FGB: variants seen among roughly 807,000 people sequenced by gnomAD.
FGB encodes fibrinogen beta chain, also known as beta-fibrinogen.
FGB carries 25 observed loss-of-function variants against 57.9 expected under a neutral mutation model. The observed-to-expected ratio is 0.43, with a 90% confidence interval of 0.31 to 0.60. The LOEUF (loss-of-function observed/expected upper bound fraction) is 0.60. Ranked by LOEUF, FGB falls within the 20% of genes least tolerant of loss-of-function variation. The pLI is 0.08. For missense variants in FGB, 536 were observed against 598.4 expected (o/e 0.90, Z 1.09); for synonymous variants, 203 against 199.2 (o/e 1.02, Z -0.16).
intron 1 of FGB, among the ~76,000 whole-genome samples, chr4:154,564,750 T>C (rs1730084612): frequency 6.8e-6 from 1 of 148,046 alleles, no homozygotes; most frequent in African/African-American, 2.5e-5. Context: ...AAAGGATGTA[T>C]AGCTACTGAC....
chr4:154,570,080 C>A (rs186298036), intron 7 of FGB, among the ~76,000 whole-genome samples: 33 of 152,302 alleles, frequency 2.2e-4, no homozygotes, highest in Admixed American at 5.2e-4. Context: ...GAATAATGAG[C>A]ATTTAGATAA....
intron 1 of FGB, chr4:154,565,137 C>G: frequency 2.2e-6 from 1 of 449,708 alleles, no homozygotes; most frequent in South Asian, 1.7e-5. Flanking sequence ...TTAATCCTTA[C>G]AATAATCTTG....
intron 6 of FGB, 90 bp downstream of exon 6, chr4:154,569,397 G>A: frequency 6.3e-7 from 1 of 1,596,362 alleles, no homozygotes; most frequent in Non-Finnish European, 8.6e-7. Context: ...GCCTGTTTTA[G>A]GCAGTTAAGA....
chr4:154,569,872 T>G (rs1445695817), intron 7 of FGB, 73 bp downstream of exon 7: 2 of 1,548,886 alleles, frequency 1.3e-6, no homozygotes, highest in East Asian at 4.5e-5. Context: ...TAACAATATT[T>G]TTAATAGCTA....
intron 3 of FGB, among the ~76,000 whole-genome samples, chr4:154,567,325 A>C (rs1396920195): frequency 6.6e-6 from 1 of 152,208 alleles, no homozygotes; most frequent in Non-Finnish European, 1.5e-5. Context: ...CCCTCACCAA[A>C]GAAATAAACA....
In FGB at chr4:154,568,448, T is replaced by C. The variant is rs746815835; in HGVS notation, c.786T>C (p.Ser262=). Residue 262 remains serine (S), a synonymous_variant, in exon 5 of 8, where the codon TCT becomes TCC. Transcript: ENST00000302068. ...SEMYLIQPDS[S]VKPYRVYCDM... The stretch of plus-strand genomic sequence containing the variant: ...TGTATCTCATTCAACCTGACAGTTC[T>C]GTCAAACCGTATAGAGTATACTGTG... 3.1e-6 allele frequency: 5 copies of C among 1,607,918 alleles called. No homozygotes were observed. The Admixed American group carries it at 6.7e-5, about 21-fold the overall frequency.
Position 154,570,889 on chromosome 4 carries a change from A to G in FGB, c.*239A>G. ...TATAGTTTTGACAGAGTTGGTGTTC[A>G]TAATTTCAGTTCTAGTTGATTGCGA... On this transcript the variant is annotated 3_prime_UTR_variant, in exon 8 of 8. Coordinates refer to ENST00000302068, the MANE Select transcript of FGB (RefSeq NM_005141.5). The G allele has an allele frequency of 1.9e-6, 1 of 539,412 alleles. No homozygotes were observed. The highest frequency in any genetic ancestry group is 3.3e-6 in the Non-Finnish European group (1 of 299,886). The allele number at this position is 539,412 out of a possible 1,614,324, so 33.4% of individuals were successfully genotyped here. A position where few individuals can be genotyped will look rare whatever the true frequency, so the allele number is the denominator to read the frequency against.
Position 154,572,607 on chromosome 4 carries a change from C to T in FGB, c.*1957C>T, listed in dbSNP as rs1039255655. Among the ~76,000 whole-genome samples the T allele has an allele frequency of 7.2e-5, 11 of 152,172 alleles. No individual in the cohort carries two copies. The highest frequency in any genetic ancestry group is 5.2e-4 in the Admixed American group (8 of 15,268). On this transcript the variant is annotated 3_prime_UTR_variant, in exon 8 of 8. Transcript: ENST00000302068. The stretch of plus-strand genomic sequence containing the variant: ...TGAATCTCTCTGGGTTGGCCATTCC[C>T]GGATTCCTTAGCTTAGACTCTGAAC...
rs779228767 is a variant in FGB at position 154,563,137 on chromosome 4, AT to A, written c.114+11del. 136 of 1,260,146 alleles carry A rather than the reference AT, an allele frequency of 1.1e-4. No individual in the cohort carries two copies. Among genetic ancestry groups the A allele is most frequent in the Middle Eastern group, 4.3e-4 (2 of 4,678 alleles). 78.1% of individuals were successfully genotyped at this position (1,260,146 alleles called of 1,614,324 possible). ...GGTGTCAACGACAATGAGGAGGTGAATTTTTTAAAGCATTATTATATTATTA... is the reference window on the plus strand; with the variant it reads ...GGTGTCAACGACAATGAGGAGGTGAATTTTTAAAGCATTATTATATTATTA... On this transcript the variant is annotated splice_donor_region_variant and intron_variant, in intron 1 of 7. Transcript: ENST00000302068.
Position 154,571,097 on chromosome 4 carries a change from T to G in FGB, c.*447T>G. 1 of 262,356 alleles carries G rather than the reference T, an allele frequency of 3.8e-6. No homozygotes were observed. Among genetic ancestry groups the G allele is most frequent in the Non-Finnish European group, 7.4e-6 (1 of 135,988 alleles). The allele number at this position is 262,356 out of a possible 1,614,324, so 16.3% of individuals were successfully genotyped here. ...ACTCTGTTGCAATAAGTTAATGTTTTCTTGTTTTGTAATCCACACATTCAA... is the reference window on the plus strand; with the variant it reads ...ACTCTGTTGCAATAAGTTAATGTTTGCTTGTTTTGTAATCCACACATTCAA... On this transcript the variant is annotated 3_prime_UTR_variant, in exon 8 of 8. Transcript: ENST00000302068.
intron 1 of FGB, among the ~76,000 whole-genome samples, chr4:154,564,691 T>C (rs566925378): frequency 5.9e-5 from 9 of 152,238 alleles, no homozygotes; most frequent in Middle Eastern, 3.4e-3. Context: ...GCTCAGTTGT[T>C]GCTCAGTTGT....
At chr4:154,569,006 C>T (rs1730296621) in intron 5 of FGB, among the ~76,000 whole-genome samples, 176 bp from the exon 6 acceptor site, 1 of 152,176 alleles carries the variant, frequency 6.6e-6, no homozygotes, top group Non-Finnish European at 1.5e-5. Flanking sequence ...AGATAAAGCA[C>T]TTGCAGTTTC....
rs1047591816 is a variant in FGB at position 154,572,551 on chromosome 4, G to A, written c.*1901G>A. Among the ~76,000 whole-genome samples, 2 of 152,170 alleles carry A rather than the reference G, an allele frequency of 1.3e-5. No individual in the cohort carries two copies. Among genetic ancestry groups the A allele is most frequent in the African/African-American group, 4.8e-5 (2 of 41,434 alleles). ...CATCCTGAGTTCCAACGGACAGGCA[G>A]GGAGTTCAAGTGTCCTTCACAGATA... On this transcript the variant is annotated 3_prime_UTR_variant, in exon 8 of 8. Transcript: ENST00000302068.
rs2227430 is a variant in FGB at position 154,563,479 on chromosome 4, A to G, written c.114+347A>G. The stretch of plus-strand genomic sequence containing the variant: ...AGGACAAGATCTGAAAATCTCACAA[A>G]CTATAAAATAATAAAAGAGCAGAAT... On this transcript the variant is annotated intron_variant, in intron 1 of 7. Transcript: ENST00000302068. Among the ~76,000 whole-genome samples, 561 of 152,014 alleles carry G rather than the reference A, an allele frequency of 3.7e-3. 1 individual carries two copies. The highest frequency in any genetic ancestry group is 6.4e-3 in the African/African-American group (264 of 41,542).
chr4:154,566,937 G>A (rs1160298448), intron 3 of FGB, among the ~76,000 whole-genome samples: 1 of 152,136 alleles, frequency 6.6e-6, no homozygotes, highest in African/African-American at 2.4e-5. Context: ...TGACTCAGAA[G>A]ATAATATTTA....
At chr4:154,566,835 T>C in intron 3 of FGB, 163 bp downstream of exon 3, 1 of 667,026 alleles carries the variant, frequency 1.5e-6, no homozygotes, top group South Asian at 1.7e-5. Context: ...ATAAGCACTA[T>C]TCAGCTCTTA....
In FGB at chr4:154,568,473, G is replaced by T. The variant is rs913936601; in HGVS notation, c.811G>T (p.Asp271Tyr). The T allele has an allele frequency of 6.4e-7, 1 of 1,569,764 alleles. No individual in the cohort carries two copies. Among genetic ancestry groups the T allele is most frequent in the Non-Finnish European group, 8.8e-7 (1 of 1,139,644 alleles). ...SSVKPYRVYC[D>Y]MNTENGGWTV... Reference sequence around the variant, plus strand: ...TGTCAAACCGTATAGAGTATACTGTGACATGAATACAGAAAATGGAGGTAA... The same window carrying T: ...TGTCAAACCGTATAGAGTATACTGTTACATGAATACAGAAAATGGAGGTAA... The change falls in exon 5 of 8, where the codon GAC becomes TAC. Residue 271 changes from aspartate (D) to tyrosine (Y), a missense_variant. This residue lies in a region of FGB where 354 missense variants were observed against 383.4 expected (regional missense o/e 0.92). Coordinates refer to ENST00000302068, the MANE Select transcript of FGB (RefSeq NM_005141.5).
chr4:154,570,813 G>A lies in FGB; in HGVS notation c.*163G>A. On this transcript the variant is annotated 3_prime_UTR_variant, in exon 8 of 8. Coordinates refer to ENST00000302068, the MANE Select transcript of FGB (RefSeq NM_005141.5). The stretch of plus-strand genomic sequence containing the variant: ...GATAAATTACATTAAAATAGCACAT[G>A]ATTTTCTTTTGTTTTCTTCATTTCT... 1.5e-6 allele frequency: 1 copy of A among 677,726 alleles called. No individual in the cohort carries two copies. The highest frequency in any genetic ancestry group is 2.7e-6 in the Non-Finnish European group (1 of 372,342). 42.0% of individuals were successfully genotyped at this position (677,726 alleles called of 1,614,324 possible). A position where few individuals can be genotyped will look rare whatever the true frequency, so the allele number is the denominator to read the frequency against.
Position 154,568,424 on chromosome 4 carries a change from G to A in FGB, c.762G>A (p.Met254Ile), listed in dbSNP as rs201536638. 226 of 1,608,872 alleles carry A rather than the reference G, an allele frequency of 1.4e-4. 2 individuals are homozygous for A. The South Asian group carries it at 2.3e-3, about 16-fold the overall frequency. Reference protein sequence around the residue: ...IIRKGGETSEMYLIQPDSSVK... With the variant: ...IIRKGGETSEIYLIQPDSSVK... Reference sequence around the variant, plus strand: ...GGAAAGGAGGTGAAACATCTGAAATGTATCTCATTCAACCTGACAGTTCTG... The same window carrying A: ...GGAAAGGAGGTGAAACATCTGAAATATATCTCATTCAACCTGACAGTTCTG... The change falls in exon 5 of 8, where the codon ATG becomes ATA. Residue 254 changes from methionine to isoleucine, a missense_variant. Physicochemically the swap from Met to Ile is conservative, Grantham distance 10. Around this residue, in one of 3 missense-constraint regions of FGB, gnomAD observed 354 missense variants for 383.4 expected, o/e 0.92. Coordinates refer to ENST00000302068, the MANE Select transcript of FGB (RefSeq NM_005141.5).
Sources: gnomAD v4.1 joint callset for allele counts (sites outside exome capture counted in the v4.1 genomes callset) on GRCh38, gnomAD v4.1.1 for gene constraint, gnomAD v4.1.1 regional missense constraint, MANE v1.5 for transcripts, NCBI Gene and HGNC (gene_info 2026-07-23, HGNC 2026-07-21) for gene names.